The following TP63 variants were observed in gnomAD, a reference collection of about 807,000 sequenced individuals.
TP63 encodes tumor protein p63.
In TP63, 17 loss-of-function variants were observed where a neutral mutation model predicts 82.8. That is an observed-to-expected ratio of 0.21 (90% CI 0.14 to 0.31). The LOEUF is 0.31. TP63 is among the 10% of genes least tolerant of loss of function. TP63 has a pLI of 1.00. For synonymous variants in TP63, 330 were observed against 321.7 expected (o/e 1.03, Z -0.28); for missense variants, 648 against 895.3 (o/e 0.72, Z 3.52).
chr3:189,678,075 T>C (rs1715601365), intron 1 of TP63, among the ~76,000 whole-genome samples: 1 of 152,148 alleles, frequency 6.6e-6, no homozygotes, highest in African/African-American at 2.4e-5. Flanking sequence ...TTTCTTTTGC[T>C]GTGCAGAAGG....
intron 4 of TP63, among the ~76,000 whole-genome samples, chr3:189,809,512 C>G (rs1727301153): frequency 6.7e-6 from 1 of 149,964 alleles, no homozygotes; most frequent in African/African-American, 2.5e-5. Context: ...GTTTGTCAAA[C>G]AACTTAATCA....
intron 3 of TP63, among the ~76,000 whole-genome samples, chr3:189,769,280 G>A (rs1299768961): frequency 6.6e-6 from 1 of 152,106 alleles, no homozygotes; most frequent in African/African-American, 2.4e-5. Context: ...TCCATGTAAG[G>A]ATCAAGTTGA....
chr3:189,606,000 G>C, the TP63 span, among the ~76,000 whole-genome samples: 3 of 152,166 alleles, frequency 2.0e-5, no homozygotes, highest in East Asian at 3.9e-4. Flanking sequence ...TGGTTCCAAA[G>C]ACCATACACA....
chr3:189,670,228 G>A (rs530082282), intron 1 of TP63, among the ~76,000 whole-genome samples: 16 of 152,146 alleles, frequency 1.1e-4, no homozygotes, highest in African/African-American at 3.8e-4. Flanking sequence ...AACAGATATA[G>A]TTGGTTATTT....
At chr3:189,772,730 G>T (rs1723286725) in intron 3 of TP63, among the ~76,000 whole-genome samples, 1 of 152,140 alleles carries the variant, frequency 6.6e-6, no homozygotes, top group Admixed American at 6.6e-5. Flanking sequence ...TAACAGCGTT[G>T]GTGGTGTAAT....
intron 4 of TP63, among the ~76,000 whole-genome samples, chr3:189,849,805 CT>C (rs1257668408): frequency 1.3e-5 from 2 of 152,114 alleles, no homozygotes; most frequent in Non-Finnish European, 2.9e-5. Context: ...AGCTTCACCT[CT>C]TTAAGTCTCA....
Position 189,746,680 on chromosome 3 carries a change from A to G in TP63, c.324+7906A>G, listed in dbSNP as rs1189198567. Among the ~76,000 whole-genome samples the G allele has an allele frequency of 4.0e-5, 6 of 151,178 alleles. No individual in the cohort carries two copies. In the East Asian group the frequency reaches 1.2e-3, roughly 29 times the overall value. On this transcript the variant is annotated intron_variant, in intron 3 of 13. Coordinates refer to ENST00000264731, the MANE Select transcript of TP63 (RefSeq NM_003722.5). ...CAGCAATTAATAAAATGGCAGGTGT[A>G]AGTCCTCATATATTAATAACAACCT... is the stretch of plus-strand genomic sequence containing the variant.
intron 1 of TP63, among the ~76,000 whole-genome samples, chr3:189,665,878 C>A (rs1714343689): frequency 6.6e-6 from 1 of 151,992 alleles, no homozygotes; most frequent in South Asian, 2.1e-4. Context: ...TTAAGCATAA[C>A]TTTAATTATA....
the TP63 span, among the ~76,000 whole-genome samples, chr3:189,598,906 G>C: frequency 6.6e-6 from 1 of 152,214 alleles, no homozygotes; most frequent in African/African-American, 2.4e-5. Flanking sequence ...TTGGAGAATA[G>C]CAAGTGGAAG....
At chr3:189,789,648 T>A in intron 3 of TP63, 1 of 1,413,232 alleles carries the variant, frequency 7.1e-7, no homozygotes, top group Non-Finnish European at 9.2e-7. Flanking sequence ...TAGGAAACCT[T>A]AAATTATGTA....
intron 1 of TP63, among the ~76,000 whole-genome samples, chr3:189,633,653 G>A (rs925651234): frequency 1.3e-5 from 2 of 151,990 alleles, no homozygotes; most frequent in Admixed American, 6.6e-5. Context: ...ATACTTTTGG[G>A]GAAGGCAGGG....
intron 3 of TP63, among the ~76,000 whole-genome samples, chr3:189,804,916 G>A (rs768326268): frequency 6.6e-6 from 1 of 152,146 alleles, no homozygotes; most frequent in Non-Finnish European, 1.5e-5. Flanking sequence ...GTGTGTAGTA[G>A]GCTGATTTCT....
chr3:189,707,943 C>G (rs1718323590), intron 1 of TP63, among the ~76,000 whole-genome samples: 1 of 152,198 alleles, frequency 6.6e-6, no homozygotes, highest in South Asian at 2.1e-4. Context: ...ATGCAAGTAT[C>G]TATAAGGTGA....
the TP63 span, among the ~76,000 whole-genome samples, chr3:189,613,449 T>C: frequency 6.6e-6 from 1 of 152,130 alleles, no homozygotes; most frequent in African/African-American, 2.4e-5. Context: ...TATATGAAAA[T>C]GCCTGGATGC....
intron 1 of TP63, among the ~76,000 whole-genome samples, chr3:189,697,230 TCA>T (rs1491330574): frequency 0.086 from 8,236 of 96,092 alleles, 762 homozygotes; most frequent in African/African-American, 0.24. Context: ...ATGTCTAGGT[TCA>T]GTTTTTTTTT....
At chr3:189,834,362 G>A (rs1712809595) in intron 4 of TP63, among the ~76,000 whole-genome samples, 2 of 152,082 alleles carry the variant, frequency 1.3e-5, no homozygotes, top group African/African-American at 2.4e-5. Context: ...TAAGTTTTGG[G>A]AGGAAAGACA....
rs564140610 is a variant in TP63, at chr3:189,669,106, C to T, written c.62+37529C>T. On this transcript the variant is annotated intron_variant, in intron 1 of 13. Coordinates refer to ENST00000264731, the MANE Select transcript of TP63 (RefSeq NM_003722.5). ...ATAATATAAATCATGACTGACTTCT[C>T]ATCAGAAAAATGGACACCAAAAGAT... Among the ~76,000 whole-genome samples, 34 of 151,438 alleles carry T rather than the reference C, an allele frequency of 2.2e-4. No homozygotes were observed. The South Asian group carries it at 5.6e-3, about 25-fold the overall frequency.
chr3:189,881,353 A>G, intron 10 of TP63: 1 of 985,446 alleles, frequency 1.0e-6, no homozygotes, highest in Non-Finnish European at 1.2e-6. Flanking sequence ...AAAGACTTTA[A>G]AAATGTTCCT....
chr3:189,840,817 A>C (rs1257120044), intron 4 of TP63, among the ~76,000 whole-genome samples: 1 of 143,912 alleles, frequency 6.9e-6, no homozygotes, highest in Non-Finnish European at 1.5e-5. Flanking sequence ...AGATCATGCC[A>C]CTGCACTCCA....
Sources: gnomAD v4.1 joint callset for allele counts (sites outside exome capture counted in the v4.1 genomes callset) on GRCh38, gnomAD v4.1.1 for gene constraint, MANE v1.5 for transcripts, NCBI Gene and HGNC (gene_info 2026-07-23, HGNC 2026-07-21) for gene names.